Variants in FRMD3 observed in about 807,000 individuals in gnomAD.
The protein encoded by FRMD3 is FERM domain-containing protein 3.
FRMD3 carries 33 observed loss-of-function variants against 70.2 expected under a neutral mutation model. The observed-to-expected ratio is 0.47, with a 90% CI of 0.36 to 0.63. The LOEUF is 0.63. FRMD3 is among the 20% of genes least tolerant of loss of function. The pLI is 0.00. For missense variants in FRMD3, 632 were observed against 711.4 expected (o/e 0.89, Z 1.27); for synonymous variants, 279 against 255.9 (o/e 1.09, Z -0.86).
chr9:83,488,772 G>A (rs1046297320), intron 1 of FRMD3, among the ~76,000 whole-genome samples: 7 of 151,994 alleles, frequency 4.6e-5, no homozygotes, highest in Admixed American at 2.6e-4. Context: ...CATCAACACC[G>A]CCCCATTAAA....
chr9:83,357,209 C>T (rs1413731955), intron 3 of FRMD3, among the ~76,000 whole-genome samples: 2 of 68,198 alleles, frequency 2.9e-5, no homozygotes, highest in Admixed American at 1.9e-4. Context: ...ATATAACATA[C>T]ATGGAATATA....
At chr9:83,302,808 G>T (rs753780130) in intron 10 of FRMD3, among the ~76,000 whole-genome samples, 8 of 152,174 alleles carry the variant, frequency 5.3e-5, no homozygotes, top group Non-Finnish European at 1.0e-4. Flanking sequence ...GCCCAGGGAA[G>T]AGTATTCTTC....
chr9:83,418,852 C>T (rs555017278), intron 1 of FRMD3, among the ~76,000 whole-genome samples: 2 of 152,172 alleles, frequency 1.3e-5, no homozygotes, highest in Non-Finnish European at 2.9e-5. Context: ...GCACAGTTCA[C>T]AATTGCGAAG....
At chr9:83,522,855 G>A (rs916279096) in intron 1 of FRMD3, among the ~76,000 whole-genome samples, 1 of 152,018 alleles carries the variant, frequency 6.6e-6, no homozygotes, top group Non-Finnish European at 1.5e-5. Context: ...GAGCCACCGC[G>A]CCCAGCCCGA....
At position 83,310,520 on chromosome 9, in the gene FRMD3, C is replaced by T; in HGVS notation, c.802G>A (p.Gly268Arg). 1 of 1,602,186 alleles carries T rather than the reference C, an allele frequency of 6.2e-7. No homozygotes were observed. The highest frequency in any genetic ancestry group is 8.5e-7 in the Non-Finnish European group (1 of 1,177,076). Residue 268 changes from glycine to arginine, a missense_variant, in exon 9 of 14, where the codon GGG becomes AGG. Around this residue, in one of 3 missense-constraint regions of FRMD3, gnomAD observed 418 missense variants for 442.1 expected, o/e 0.95. Transcript: ENST00000304195. ...WPDVCKLKFEGKTFYVIGTQK... is the reference protein window; with the variant it reads ...WPDVCKLKFERKTFYVIGTQK... The stretch of plus-strand genomic sequence containing the variant: ...GTGCCAATCACATAAAATGTCTTCC[C>T]TTCAAACTTCAATTTGCAGACATCT...
chr9:83,495,129 G>T (rs1483741077), intron 1 of FRMD3, among the ~76,000 whole-genome samples: 2 of 152,040 alleles, frequency 1.3e-5, no homozygotes, highest in African/African-American at 4.8e-5. Context: ...TGTCATGATT[G>T]CACTCTCTTT....
At chr9:83,355,431 G>A (rs1824304280) in intron 3 of FRMD3, among the ~76,000 whole-genome samples, 1 of 152,168 alleles carries the variant, frequency 6.6e-6, no homozygotes, top group Admixed American at 6.5e-5. Context: ...CTAATGTGGT[G>A]CTCAGGCTTC....
At chr9:83,295,672 G>A (rs185940093) in intron 12 of FRMD3, among the ~76,000 whole-genome samples, 4 of 152,280 alleles carry the variant, frequency 2.6e-5, no homozygotes, top group East Asian at 1.9e-4. Flanking sequence ...GAACCCACTC[G>A]TGACCCCTAC....
In FRMD3 at chr9:83,261,100, T is replaced by TACACAC. The variant is rs1402795499; in HGVS notation, c.1196-12585_1196-12584insGTGTGT. Among the ~76,000 whole-genome samples, 231 of 27,048 alleles carry TACACAC rather than the reference T, an allele frequency of 8.5e-3. 4 individuals carry two copies. The highest frequency in any genetic ancestry group is 0.021 in the African/African-American group (217 of 10,244). 17.7% of individuals were successfully genotyped at this position (27,048 alleles called of 152,430 possible). A position where few individuals can be genotyped will look rare whatever the true frequency, so the allele number is the denominator to read the frequency against. On this transcript the variant is annotated intron_variant, in intron 13 of 13. Transcript: ENST00000304195. ...AGGAAAGTATCCACAAAAGGAAACT[T>TACACAC]AGACACACACACACACACACACACA...
At chr9:83,357,245 ACATATATAT>A (rs1824404236) in intron 3 of FRMD3, among the ~76,000 whole-genome samples, 89 of 6,484 alleles carry the variant, frequency 0.014, 12 homozygotes, top group African/African-American at 0.035. Flanking sequence ...TATAATACAT[ACATATATAT>A]ATATATATAT....
intron 1 of FRMD3, among the ~76,000 whole-genome samples, chr9:83,430,681 C>T (rs1054115411): frequency 6.6e-6 from 1 of 152,126 alleles, no homozygotes; most frequent in African/African-American, 2.4e-5. Flanking sequence ...CTTTTTCACT[C>T]TAAAGTTTAA....
At chr9:83,410,017 G>A (rs1422835407) in intron 1 of FRMD3, among the ~76,000 whole-genome samples, 1 of 152,134 alleles carries the variant, frequency 6.6e-6, no homozygotes, top group Non-Finnish European at 1.5e-5. Flanking sequence ...CAGGTCAGAC[G>A]ACTCCTAATC....
chr9:83,393,707 T>G lies in FRMD3; in HGVS notation c.148-3999A>C, dbSNP rs1825731947. On this transcript the variant is annotated intron_variant, in intron 1 of 13. Coordinates refer to ENST00000304195, the MANE Select transcript of FRMD3 (RefSeq NM_174938.6). ...AGCTCACAATAGCTTTGCACTCCCA[T>G]GAGAATCTAATGCTGCCGCTGATCT... Among the ~76,000 whole-genome samples the G allele has an allele frequency of 1.3e-5, 2 of 151,980 alleles. 1 individual carries two copies. Among genetic ancestry groups the G allele is most frequent in the South Asian group, 4.1e-4 (2 of 4,820 alleles).
chr9:83,425,658 C>T (rs2131367101), intron 1 of FRMD3, among the ~76,000 whole-genome samples: 2 of 152,230 alleles, frequency 1.3e-5, no homozygotes, highest in South Asian at 4.1e-4. Context: ...GCAATCCCCA[C>T]ACTATGGGAG....
rs545715825 is a variant in FRMD3 at position 83,401,578 on chromosome 9, T to G, written c.148-11870A>C. ...GTCAGTGAGTTAACACCACAGAGGT[T>G]TATTTCTCACTTAGTATGCACAGCC... On this transcript the variant is annotated intron_variant, in intron 1 of 13. Coordinates refer to ENST00000304195, the MANE Select transcript of FRMD3 (RefSeq NM_174938.6). Among the ~76,000 whole-genome samples the G allele has an allele frequency of 2.0e-5, 3 of 152,354 alleles. No individual in the cohort carries two copies. The East Asian group carries it at 5.8e-4, about 29-fold the overall frequency.
chr9:83,532,450 C>T (rs1009726179), intron 1 of FRMD3, among the ~76,000 whole-genome samples: 3 of 152,164 alleles, frequency 2.0e-5, no homozygotes, highest in Non-Finnish European at 2.9e-5. Context: ...CATAATTTTC[C>T]TTGTTCTAGA....
chr9:83,447,944 A>G (rs1199208790), intron 1 of FRMD3, among the ~76,000 whole-genome samples: 2 of 152,214 alleles, frequency 1.3e-5, no homozygotes, highest in Admixed American at 6.5e-5. Context: ...TAAAATGCCA[A>G]TGCATTATCT....
At chr9:83,485,961 G>A (rs1458355293) in intron 1 of FRMD3, among the ~76,000 whole-genome samples, 1 of 151,736 alleles carries the variant, frequency 6.6e-6, no homozygotes, top group African/African-American at 2.4e-5. Context: ...ATATATTAAT[G>A]TATATGTTGT....
At chr9:83,472,993 T>C (rs1828306764) in intron 1 of FRMD3, among the ~76,000 whole-genome samples, 1 of 152,144 alleles carries the variant, frequency 6.6e-6, no homozygotes, top group Non-Finnish European at 1.5e-5. Flanking sequence ...CTCACCAGGA[T>C]TGTGGCGAAA....
Sources: allele counts gnomAD v4.1 joint callset (sites outside exome capture counted in the v4.1 genomes callset), GRCh38; gene constraint gnomAD v4.1.1; regional missense constraint gnomAD v4.1.1; transcripts MANE v1.5; gene names NCBI Gene and HGNC (gene_info 2026-07-23, HGNC 2026-07-21).